The following NARS2 variants were observed in gnomAD, a reference collection of about 807,000 sequenced individuals.
NARS2 encodes asparaginyl-tRNA synthetase.
A neutral mutation model predicts 62.9 loss-of-function variants in NARS2; 60 were observed. The ratio of observed to expected loss-of-function variants is 0.95; its 90% confidence interval spans 0.77 to 1.18. The LOEUF (loss-of-function observed/expected upper bound fraction) is 1.18, where lower values mean the gene tolerates loss of function less well. Among genes scored for constraint, NARS2 ranks in the 50% most tolerant of loss-of-function variants. The pLI, the probability that NARS2 is intolerant of heterozygous loss-of-function variation, is 0.00. For missense variants in NARS2, 619 were observed against 576.4 expected, an observed-to-expected ratio of 1.07 and a Z score of -0.76; for synonymous variants, 196 against 200.0, an observed-to-expected ratio of 0.98 and a Z score of 0.17.
intron 9 of NARS2, among the ~76,000 whole-genome samples, chr11:78,470,078 A>G (rs148113959): frequency 2.6e-5 from 4 of 152,166 alleles, no homozygotes; most frequent in African/African-American, 9.7e-5. Flanking sequence ...GCGTGACTAG[A>G]GCATACTGAA....
intron 4 of NARS2, among the ~76,000 whole-genome samples, chr11:78,565,706 A>G (rs545950319): frequency 3.9e-5 from 6 of 152,286 alleles, no homozygotes; most frequent in Admixed American, 2.6e-4. Context: ...AGATTAGAGA[A>G]AACAGTGCCC....
intron 3 of NARS2, among the ~76,000 whole-genome samples, chr11:78,567,819 T>C (rs1197683887): frequency 1.3e-5 from 2 of 152,228 alleles, no homozygotes; most frequent in Non-Finnish European, 2.9e-5. Context: ...ATTAAATATT[T>C]GAAGACAGGT....
intron 5 of NARS2, among the ~76,000 whole-genome samples, chr11:78,554,038 T>G (rs1234202365): frequency 6.6e-6 from 1 of 152,184 alleles, no homozygotes; most frequent in Admixed American, 6.5e-5. Flanking sequence ...TTGGGGAGGA[T>G]CAGATTGTCA....
intron 5 of NARS2, among the ~76,000 whole-genome samples, chr11:78,535,890 T>G (rs1424439879): frequency 6.6e-6 from 1 of 152,172 alleles, no homozygotes; most frequent in East Asian, 1.9e-4. Flanking sequence ...GTGCTGGGAT[T>G]ACAGGTGTGA....
At chr11:78,567,672 T>C (rs2135537797) in intron 3 of NARS2, among the ~76,000 whole-genome samples, 1 of 152,370 alleles carries the variant, frequency 6.6e-6, no homozygotes, top group Admixed American at 6.5e-5. Flanking sequence ...AATTAGAATT[T>C]CTTGGAAATT....
intron 4 of NARS2, among the ~76,000 whole-genome samples, chr11:78,564,977 A>G (rs959679365): frequency 1.3e-5 from 2 of 152,208 alleles, no homozygotes; most frequent in East Asian, 3.8e-4. Context: ...GTCTATAACC[A>G]CTATTACACA....
At chr11:78,471,065 T>TTTC (rs1858851594) in intron 9 of NARS2, among the ~76,000 whole-genome samples, 1 of 152,172 alleles carries the variant, frequency 6.6e-6, no homozygotes, top group Non-Finnish European at 1.5e-5. Flanking sequence ...AAGCTATGTT[T>TTTC]TGAAAGACAG....
chr11:78,528,775 TGGGAA>T lies in NARS2; in HGVS notation c.689+62_689+66del. The T allele has an allele frequency of 6.0e-6, 6 of 1,007,384 alleles. No homozygotes were observed. In the South Asian group the frequency reaches 8.1e-5, roughly 14 times the overall value. The allele number at this position is 1,007,384 out of a possible 1,614,324, so 62.4% of individuals were successfully genotyped here. A position where few individuals can be genotyped will look rare whatever the true frequency, so the allele number is the denominator to read the frequency against. ...TAATTTCAACTTTTAGGTTTGAGCA[TGGGAA>T]GGGAAGCACTCTCAACCAAACCATA... On this transcript the variant is annotated intron_variant, in intron 6 of 13. Transcript: ENST00000281038.
At chr11:78,549,263 C>G (rs956991407) in intron 5 of NARS2, among the ~76,000 whole-genome samples, 4 of 152,216 alleles carry the variant, frequency 2.6e-5, no homozygotes, top group Non-Finnish European at 4.4e-5. Context: ...GCTGCTGCCT[C>G]TTGCTCCACT....
chr11:78,563,180 T>C (rs1272213110), intron 4 of NARS2, among the ~76,000 whole-genome samples: 3 of 151,542 alleles, frequency 2.0e-5, no homozygotes, highest in African/African-American at 7.3e-5. Flanking sequence ...CTATCACGAA[T>C]GGTGCTAAAA....
In NARS2 at chr11:78,436,663, C is replaced by T. The variant is rs761117533; in HGVS notation, c.*7G>A. On this transcript the variant is annotated 3_prime_UTR_variant, in exon 14 of 14. Coordinates refer to ENST00000281038, the MANE Select transcript of NARS2 (RefSeq NM_024678.6). ...TGGGGGGTGCTTTTCCTTAACCAAT[C>T]TTCCAGCTATAAAAGGCATGAATGA... The T allele has an allele frequency of 3.1e-6, 5 of 1,614,012 alleles. No individual in the cohort carries two copies. The South Asian group carries it at 3.3e-5, about 11-fold the overall frequency.
chr11:78,500,025 A>G lies in NARS2; in HGVS notation c.690-6830T>C, dbSNP rs1590782187. Reference sequence around the variant, plus strand: ...GAACAACATGTAAGTACTTTACTTTAGTTACATGTACTACATAGTGTTTAA... The same window carrying G: ...GAACAACATGTAAGTACTTTACTTTGGTTACATGTACTACATAGTGTTTAA... On this transcript the variant is annotated intron_variant, in intron 6 of 13. Transcript: ENST00000281038. Among the ~76,000 whole-genome samples, 4 of 152,176 alleles carry G rather than the reference A, an allele frequency of 2.6e-5. No homozygotes were observed. In the South Asian group the frequency reaches 8.3e-4, roughly 31 times the overall value.
chr11:78,489,195 C>T (rs770230509), intron 7 of NARS2, among the ~76,000 whole-genome samples: 1 of 151,904 alleles, frequency 6.6e-6, no homozygotes, highest in Non-Finnish European at 1.5e-5. Context: ...ACACATCCAA[C>T]AAGGAACTAG....
At chr11:78,490,810 T>A (rs1386899335) in intron 7 of NARS2, among the ~76,000 whole-genome samples, 2 of 152,034 alleles carry the variant, frequency 1.3e-5, no homozygotes, top group African/African-American at 4.8e-5. Flanking sequence ...AATGACTAAT[T>A]TTAAACCCTA....
chr11:78,469,182 A>T, intron 10 of NARS2, 65 bp downstream of exon 10: 1 of 1,078,330 alleles, frequency 9.3e-7, no homozygotes, highest in South Asian at 1.3e-5. Context: ...TTCTTAACAC[A>T]GTAAGCTAAA....
chr11:78,518,389 A>G (rs1351227052), intron 6 of NARS2, among the ~76,000 whole-genome samples: 1 of 152,268 alleles, frequency 6.6e-6, no homozygotes, highest in Non-Finnish European at 1.5e-5. Flanking sequence ...TTACAAATTC[A>G]GTTTAACTAC....
At chr11:78,549,544 T>C (rs1235637468) in intron 5 of NARS2, among the ~76,000 whole-genome samples, 1 of 152,190 alleles carries the variant, frequency 6.6e-6, no homozygotes, top group Non-Finnish European at 1.5e-5. Flanking sequence ...TTTCCTAGTA[T>C]GCTGGAAAGA....
chr11:78,562,902 T>A (rs9666103), intron 4 of NARS2, among the ~76,000 whole-genome samples: 100,705 of 152,052 alleles, frequency 0.66, 34,948 homozygotes, highest in Non-Finnish European at 0.79. Context: ...CTTACGAAAA[T>A]TTTTTATTTG....
chr11:78,522,384 T>C (rs1457047604), intron 6 of NARS2, among the ~76,000 whole-genome samples: 1 of 152,130 alleles, frequency 6.6e-6, no homozygotes, highest in Admixed American at 6.5e-5. Context: ...AAGTGAAAAA[T>C]ACATTTCAAG....
Sources: gnomAD v4.1 joint callset for allele counts (sites outside exome capture counted in the v4.1 genomes callset) on GRCh38, gnomAD v4.1.1 for gene constraint, MANE v1.5 for transcripts, NCBI Gene and HGNC (gene_info 2026-07-23, HGNC 2026-07-21) for gene names.